The following LYRM4 variants were observed in gnomAD, a reference collection of about 807,000 sequenced individuals.
LYRM4 encodes LYR motif-containing protein 4.
A neutral mutation model predicts 11.7 loss-of-function variants in LYRM4; 9 were observed. The observed-to-expected ratio is 0.77, with a 90% CI of 0.46 to 1.34. The LOEUF (loss-of-function observed/expected upper bound fraction) is 1.34. LYRM4 is among the 40% of genes most tolerant of loss of function. The probability of loss-of-function intolerance (pLI) is 0.00; values close to 1 mark genes in which losing one functional copy is unlikely to be tolerated. For missense variants in LYRM4, 133 were observed against 112.5 expected (o/e 1.18, Z -0.82); for synonymous variants, 42 against 40.4 (o/e 1.04, Z -0.15).
intron 2 of LYRM4, among the ~76,000 whole-genome samples, chr6:5,111,194 G>C (rs1762864596): frequency 6.6e-6 from 1 of 151,898 alleles, no homozygotes; most frequent in Non-Finnish European, 1.5e-5. Context: ...GAAAAGAAAG[G>C]CTAGAATACC....
chr6:5,086,419 C>T, the LYRM4 span: 1 of 1,536,346 alleles, frequency 6.5e-7, no homozygotes, highest in Non-Finnish European at 8.7e-7. Context: ...GGGCCTGCAG[C>T]CTGAGGACGA....
the LYRM4 span, among the ~76,000 whole-genome samples, chr6:5,076,148 G>A: frequency 6.6e-6 from 1 of 151,986 alleles, no homozygotes; most frequent in African/African-American, 2.4e-5. Flanking sequence ...GTTTCACCAT[G>A]TTGCCCAGGC....
Position 5,176,067 on chromosome 6 carries a change from A to AT in LYRM4, c.207+40550dup, listed in dbSNP as rs35408965. Among the ~76,000 whole-genome samples the AT allele has an allele frequency of 4.9e-3, 731 of 148,810 alleles. 10 individuals carry two copies. Among genetic ancestry groups the AT allele is most frequent in the African/African-American group, 0.015 (607 of 40,404 alleles). The stretch of plus-strand genomic sequence containing the variant: ...AAATGGTGGTTGTATTACGCTATTA[A>AT]TTTTTTTTTTTTTTTGAGACAGAGT... On this transcript the variant is annotated intron_variant, in intron 2 of 2. Transcript: ENST00000330636.
chr6:5,085,678 G>A, the LYRM4 span: 2 of 1,548,276 alleles, frequency 1.3e-6, no homozygotes, highest in African/African-American at 2.7e-5. Context: ...GAAGGAAGAG[G>A]CCGCCCCCCA....
chr6:5,241,795 A>G (rs1192908109), intron 1 of LYRM4, among the ~76,000 whole-genome samples: 1 of 152,202 alleles, frequency 6.6e-6, no homozygotes, highest in Non-Finnish European at 1.5e-5. Context: ...CAATATCAAA[A>G]AGTTCCTGTC....
At chr6:5,251,636 A>G (rs902547646) in intron 1 of LYRM4, among the ~76,000 whole-genome samples, 1 of 152,218 alleles carries the variant, frequency 6.6e-6, no homozygotes, top group Non-Finnish European at 1.5e-5. Flanking sequence ...TATTCATGAG[A>G]AACCTGCCCC....
chr6:5,181,342 T>C (rs563388862), intron 2 of LYRM4, among the ~76,000 whole-genome samples: 2 of 152,330 alleles, frequency 1.3e-5, no homozygotes, highest in East Asian at 1.9e-4. Flanking sequence ...TTTCCCCTCA[T>C]TGCCCTGGGA....
chr6:5,086,324 C>A, the LYRM4 span: 1,264,809 of 1,535,582 alleles, frequency 0.82, 522,321 homozygotes, highest in East Asian at 0.9. Context: ...CCAGAGGCAC[C>A]GTCTGGGGCC....
chr6:5,154,246 C>T (rs986623935), intron 2 of LYRM4, among the ~76,000 whole-genome samples: 1 of 152,106 alleles, frequency 6.6e-6, no homozygotes, highest in Non-Finnish European at 1.5e-5. Flanking sequence ...AAATATTAGC[C>T]TATTAAGTTA....
chr6:5,150,571 G>C (rs1277747051), intron 2 of LYRM4, among the ~76,000 whole-genome samples: 1 of 152,184 alleles, frequency 6.6e-6, no homozygotes, highest in African/African-American at 2.4e-5. Flanking sequence ...CTAATTGTTA[G>C]CTATTAACAT....
At chr6:5,170,065 G>A (rs1759331023) in intron 2 of LYRM4, among the ~76,000 whole-genome samples, 1 of 152,206 alleles carries the variant, frequency 6.6e-6, no homozygotes, top group Non-Finnish European at 1.5e-5. Context: ...AATTTTAGGA[G>A]AAAAGCCTAG....
chr6:5,260,601 C>CCGGGCCCGGGG, intron 1 of LYRM4, 47 bp downstream of exon 1: 1 of 1,202,676 alleles, frequency 8.3e-7, no homozygotes, highest in Non-Finnish European at 1.2e-6. Context: ...CCCCCGGTCC[C>CCGGGCCCGGGG]CGGCCCCTGG....
chr6:5,070,869 GAAAAAAAAAA>G, the LYRM4 span, among the ~76,000 whole-genome samples: 10 of 48,100 alleles, frequency 2.1e-4, no homozygotes, highest in African/African-American at 6.9e-4. Flanking sequence ...ACCCTGTCTT[GAAAAAAAAAA>G]AAAAAAAAAA....
At chr6:5,224,699 C>A (rs185066919) in intron 1 of LYRM4, among the ~76,000 whole-genome samples, 43 of 152,334 alleles carry the variant, frequency 2.8e-4, no homozygotes, top group African/African-American at 9.4e-4. Flanking sequence ...GTAGCTCCTG[C>A]CTATAATCCC....
At chr6:5,058,430 G>C in the LYRM4 span, among the ~76,000 whole-genome samples, 1 of 152,162 alleles carries the variant, frequency 6.6e-6, no homozygotes, top group African/African-American at 2.4e-5. Context: ...TTCCACACCA[G>C]CCATCGTTCT....
chr6:5,151,286 T>C (rs558074467), intron 2 of LYRM4, among the ~76,000 whole-genome samples: 2 of 152,260 alleles, frequency 1.3e-5, no homozygotes, highest in South Asian at 2.1e-4. Flanking sequence ...GTTTTCACCA[T>C]GTTGGCCAGG....
At chr6:5,160,417 G>A (rs1232012286) in intron 2 of LYRM4, among the ~76,000 whole-genome samples, 1 of 152,062 alleles carries the variant, frequency 6.6e-6, no homozygotes, top group East Asian at 1.9e-4. Context: ...GTGGTGGGAG[G>A]GACCTGGTGG....
At chr6:5,138,794 AAGAG>A in intron 2 of LYRM4, 2 of 1,353,368 alleles carry the variant, frequency 1.5e-6, no homozygotes, top group Non-Finnish European at 2.0e-6. Context: ...AACAGAAAGA[AAGAG>A]TTCTTTGGGA....
chr6:5,220,113 C>T (rs1422413381), intron 1 of LYRM4, among the ~76,000 whole-genome samples: 2 of 152,148 alleles, frequency 1.3e-5, no homozygotes, highest in Admixed American at 1.3e-4. Context: ...ATCTCAAGTG[C>T]CCACAGGTTC....
Sources: allele counts gnomAD v4.1 joint callset (sites outside exome capture counted in the v4.1 genomes callset), GRCh38; gene constraint gnomAD v4.1.1; transcripts MANE v1.5; gene names NCBI Gene and HGNC (gene_info 2026-07-23, HGNC 2026-07-21).